The following SNX7 variants were observed in gnomAD, a reference collection of about 807,000 sequenced individuals.
The protein encoded by SNX7 is sorting nexin-7.
Under a neutral mutation model 48.4 loss-of-function variants are expected in SNX7, and 35 were observed. The observed-to-expected ratio is 0.72, with a 90% CI of 0.55 to 0.96. The LOEUF (loss-of-function observed/expected upper bound fraction) is 0.96, where lower values mean the gene tolerates loss of function less well. SNX7 is among the 40% of genes least tolerant of loss of function. The probability of loss-of-function intolerance (pLI) is 0.00; values close to 1 mark genes in which losing one functional copy is unlikely to be tolerated. For missense variants in SNX7, 553 were observed against 548.9 expected (o/e 1.01, Z -0.07); for synonymous variants, 190 against 190.2 (o/e 1.00, Z 0.01).
At chr1:98,721,525 C>T (rs971730264) in intron 7 of SNX7, among the ~76,000 whole-genome samples, 1 of 151,946 alleles carries the variant, frequency 6.6e-6, no homozygotes, top group African/African-American at 2.4e-5. Context: ...ATCAAAGTTT[C>T]AAAATAAGTC....
chr1:98,754,790 T>G (rs991850558), intron 8 of SNX7, among the ~76,000 whole-genome samples: 8 of 151,982 alleles, frequency 5.3e-5, no homozygotes, highest in African/African-American at 1.9e-4. Context: ...CTTTACTGTT[T>G]TTGTTTTTTC....
chr1:98,751,744 T>C (rs1029878247), intron 8 of SNX7, among the ~76,000 whole-genome samples: 3 of 152,140 alleles, frequency 2.0e-5, no homozygotes, highest in African/African-American at 4.8e-5. Flanking sequence ...AAAAACACAG[T>C]ACTGCACTAT....
At chr1:98,744,209 A>T (rs1654208710) in intron 8 of SNX7, among the ~76,000 whole-genome samples, 1 of 152,054 alleles carries the variant, frequency 6.6e-6, no homozygotes, top group Non-Finnish European at 1.5e-5. Flanking sequence ...AATTTAGTAA[A>T]GTAGCTTAAA....
intron 7 of SNX7, among the ~76,000 whole-genome samples, chr1:98,729,433 A>G (rs1653367419): frequency 6.6e-6 from 1 of 152,116 alleles, no homozygotes; most frequent in Non-Finnish European, 1.5e-5. Context: ...CCAAGATCAG[A>G]GTGGAACTAA....
At chr1:98,759,536 A>C (rs1655014413) in intron 8 of SNX7, among the ~76,000 whole-genome samples, 1 of 152,054 alleles carries the variant, frequency 6.6e-6, no homozygotes, top group South Asian at 2.1e-4. Context: ...TGGAGCATTC[A>C]CTTTATGCTA....
chr1:98,732,377 G>A lies in SNX7; in HGVS notation c.1126-5860G>A, dbSNP rs970891177. On this transcript the variant is annotated intron_variant, in intron 7 of 8. Transcript: ENST00000306121. The stretch of plus-strand genomic sequence containing the variant: ...TATAGGGGAAAAGTGGGCTGGAGGG[G>A]AAATAGGGAGGGTACTGTTATCCAC... Among the ~76,000 whole-genome samples the A allele has an allele frequency of 2.6e-5, 4 of 152,116 alleles. No homozygotes were observed. In the East Asian group the frequency reaches 5.8e-4, roughly 22 times the overall value.
chr1:98,753,704 C>A (rs1262851626), intron 8 of SNX7, among the ~76,000 whole-genome samples: 2 of 152,028 alleles, frequency 1.3e-5, no homozygotes, highest in Non-Finnish European at 2.9e-5. Context: ...AGAGAGCAAA[C>A]CAGAGCGGTC....
intron 8 of SNX7, among the ~76,000 whole-genome samples, chr1:98,757,127 A>G (rs1466468654): frequency 6.6e-6 from 1 of 152,130 alleles, no homozygotes; most frequent in Non-Finnish European, 1.5e-5. Flanking sequence ...AGGCCTCCCC[A>G]GAATCTGAGA....
At chr1:98,733,107 TCTGTATGCAA>T (rs1191197547) in intron 7 of SNX7, among the ~76,000 whole-genome samples, 1 of 152,162 alleles carries the variant, frequency 6.6e-6, no homozygotes, top group Non-Finnish European at 1.5e-5. Context: ...AATTCTTTGC[TCTGTATGCAA>T]CTGAGTGGTT....
chr1:98,751,662 T>C (rs1395153216), intron 8 of SNX7, among the ~76,000 whole-genome samples: 4 of 152,128 alleles, frequency 2.6e-5, no homozygotes, highest in Non-Finnish European at 5.9e-5. Flanking sequence ...ATGTATAGCA[T>C]ATTTATCAAC....
intron 7 of SNX7, among the ~76,000 whole-genome samples, chr1:98,714,267 T>C (rs1376599483): frequency 2.6e-5 from 4 of 152,196 alleles, no homozygotes; most frequent in African/African-American, 9.6e-5. Context: ...GTACATGTTG[T>C]ATGCCAGGCA....
At chr1:98,667,920 C>CA (rs572683342) in intron 1 of SNX7, among the ~76,000 whole-genome samples, 34 of 148,390 alleles carry the variant, frequency 2.3e-4, no homozygotes, top group East Asian at 1.6e-3. Flanking sequence ...AAAAAAAAAA[C>CA]AAAAAAAACA....
At chr1:98,664,387 G>T (rs954999156) in intron 1 of SNX7, among the ~76,000 whole-genome samples, 1 of 152,104 alleles carries the variant, frequency 6.6e-6, no homozygotes, top group African/African-American at 2.4e-5. Context: ...AATTAGCCGG[G>T]TGTGGTGGTG....
chr1:98,712,596 C>A (rs1475379768), intron 7 of SNX7, among the ~76,000 whole-genome samples: 6 of 152,128 alleles, frequency 3.9e-5, no homozygotes, highest in Non-Finnish European at 8.8e-5. Context: ...TTTGTTATTT[C>A]AGGTATAGAG....
At chr1:98,662,766 G>A (rs1365353312) in intron 1 of SNX7, 14 of 1,289,222 alleles carry the variant, frequency 1.1e-5, no homozygotes, top group African/African-American at 6.1e-5. Flanking sequence ...TCACAACGCT[G>A]TATTCATTAC....
intron 7 of SNX7, among the ~76,000 whole-genome samples, chr1:98,721,444 A>C (rs9433985): frequency 0.57 from 86,039 of 151,860 alleles, 25,150 homozygotes; most frequent in Non-Finnish European, 0.64. Context: ...CTTAAACCTC[A>C]TCTACCCAAT....
chr1:98,735,800 A>G (rs1046706046), intron 7 of SNX7, among the ~76,000 whole-genome samples: 3 of 152,182 alleles, frequency 2.0e-5, no homozygotes, highest in Non-Finnish European at 4.4e-5. Flanking sequence ...TTCAACAGAT[A>G]GTCTTACCCA....
chr1:98,751,269 G>A (rs1229072946), intron 8 of SNX7, among the ~76,000 whole-genome samples: 1 of 152,004 alleles, frequency 6.6e-6, no homozygotes, highest in Admixed American at 6.6e-5. Flanking sequence ...ACTTATGAGA[G>A]CCGAAGAGAC....
chr1:98,722,244 G>C (rs748947524), intron 7 of SNX7, among the ~76,000 whole-genome samples: 2 of 152,160 alleles, frequency 1.3e-5, no homozygotes, highest in Non-Finnish European at 2.9e-5. Context: ...GTTTCAGAGA[G>C]AGAGGTTTCC....
Sources: allele counts gnomAD v4.1 joint callset (sites outside exome capture counted in the v4.1 genomes callset), GRCh38; gene constraint gnomAD v4.1.1; transcripts MANE v1.5; gene names NCBI Gene and HGNC (gene_info 2026-07-23, HGNC 2026-07-21).